Variants in EXOC4 observed in about 807,000 individuals in gnomAD.
EXOC4 encodes the protein exocyst complex component 4, also known as SEC8-like 1.
A neutral mutation model predicts 107.2 loss-of-function variants in EXOC4; 71 were observed. The observed-to-expected ratio is 0.66, with a 90% CI of 0.55 to 0.81. The LOEUF is 0.81. Ranked by LOEUF, EXOC4 falls within the 30% of genes least tolerant of loss-of-function variation. EXOC4 has a pLI of 0.00. For synonymous variants in EXOC4, 456 were observed against 441.2 expected, an observed-to-expected ratio of 1.03 and a Z score of -0.42; for missense variants, 1,108 against 1,189.6, an observed-to-expected ratio of 0.93 and a Z score of 1.01.
At chr7:133,765,186 G>A (rs1477831165) in intron 10 of EXOC4, among the ~76,000 whole-genome samples, 2 of 151,864 alleles carry the variant, frequency 1.3e-5, no homozygotes, top group Non-Finnish European at 2.9e-5. Flanking sequence ...TATTCCTTAG[G>A]GAGGGTTTAC....
chr7:133,739,868 A>G (rs1402731709), intron 10 of EXOC4, among the ~76,000 whole-genome samples: 3 of 152,208 alleles, frequency 2.0e-5, no homozygotes, highest in Admixed American at 2.0e-4. Flanking sequence ...CAACCTTCTC[A>G]TAATACCTGG....
intron 9 of EXOC4, among the ~76,000 whole-genome samples, chr7:133,545,206 G>C (rs1352171807): frequency 1.3e-5 from 2 of 151,952 alleles, no homozygotes; most frequent in Non-Finnish European, 2.9e-5. Flanking sequence ...ATTAAGAAAT[G>C]AAATGTCTCT....
the EXOC4 span, among the ~76,000 whole-genome samples, chr7:134,084,437 A>T: frequency 6.6e-6 from 1 of 152,224 alleles, no homozygotes; most frequent in Non-Finnish European, 1.5e-5. Flanking sequence ...GGCACCATCA[A>T]GGCAAGGAGA....
At chr7:133,814,157 C>T (rs1009217448) in intron 10 of EXOC4, among the ~76,000 whole-genome samples, 1 of 152,158 alleles carries the variant, frequency 6.6e-6, no homozygotes, top group Non-Finnish European at 1.5e-5. Flanking sequence ...CCACCCCTGC[C>T]TCCTATGGGT....
intron 14 of EXOC4, among the ~76,000 whole-genome samples, chr7:133,956,048 C>G (rs1321570924): frequency 6.6e-6 from 1 of 152,226 alleles, no homozygotes; most frequent in Non-Finnish European, 1.5e-5. Context: ...CCTGCCTGCT[C>G]CTGGCCCCCA....
chr7:133,908,904 A>G (rs957454772), intron 12 of EXOC4, among the ~76,000 whole-genome samples: 3 of 152,168 alleles, frequency 2.0e-5, no homozygotes, highest in African/African-American at 7.2e-5. Flanking sequence ...TTATTACATC[A>G]GTATACACGG....
intron 7 of EXOC4, among the ~76,000 whole-genome samples, chr7:133,410,205 T>C (rs1797325030): frequency 6.6e-6 from 1 of 152,178 alleles, no homozygotes; most frequent in Non-Finnish European, 1.5e-5. Context: ...CATAATAATG[T>C]CTTGGACATG....
intron 9 of EXOC4, among the ~76,000 whole-genome samples, chr7:133,512,137 G>A (rs1462707684): frequency 6.6e-6 from 1 of 152,164 alleles, no homozygotes; most frequent in Admixed American, 6.5e-5. Context: ...CGTATAGAGT[G>A]CTTTGAAAAT....
At chr7:134,070,390 A>T (rs1796257280), downstream of EXOC4, among the ~76,000 whole-genome samples, 1 of 152,222 alleles carries the variant, frequency 6.6e-6, no homozygotes, top group Non-Finnish European at 1.5e-5. Flanking sequence ...GTGTAGTAAG[A>T]TGCACACCAC....
At chr7:133,431,282 T>G (rs371185091) in intron 7 of EXOC4, among the ~76,000 whole-genome samples, 1 of 152,236 alleles carries the variant, frequency 6.6e-6, no homozygotes, top group Non-Finnish European at 1.5e-5. Flanking sequence ...AGTGTTTTTG[T>G]TCTTGTGAAG....
chr7:133,301,622 A>G (rs1445281664), intron 3 of EXOC4, among the ~76,000 whole-genome samples: 2 of 152,230 alleles, frequency 1.3e-5, no homozygotes, highest in Non-Finnish European at 2.9e-5. Context: ...TGTTGCCAAA[A>G]TAAGCATTTT....
At chr7:133,631,668 A>C (rs897721437) in intron 10 of EXOC4, among the ~76,000 whole-genome samples, 5 of 152,038 alleles carry the variant, frequency 3.3e-5, no homozygotes, top group African/African-American at 1.2e-4. Context: ...TAAGAGAATT[A>C]AAACTATTTC....
At chr7:133,533,814 T>A (rs966180451) in intron 9 of EXOC4, among the ~76,000 whole-genome samples, 2 of 152,112 alleles carry the variant, frequency 1.3e-5, no homozygotes, top group African/African-American at 4.8e-5. Flanking sequence ...AAGAGAAATG[T>A]GTTACCTGCT....
chr7:133,305,752 T>C (rs927095509), intron 3 of EXOC4, 125 bp from the exon 4 acceptor site: 2 of 756,596 alleles, frequency 2.6e-6, no homozygotes, highest in Non-Finnish European at 4.1e-6. Context: ...ACGAAGTCTT[T>C]TATATGCTGA....
At chr7:133,629,960 T>C in intron 9 of EXOC4, 85 bp from the exon 10 acceptor site, 1 of 912,446 alleles carries the variant, frequency 1.1e-6, no homozygotes, top group Non-Finnish European at 1.8e-6. Context: ...ATTATGACAG[T>C]ATAGGACTCA....
At chr7:133,568,232 G>A (rs1393029151) in intron 9 of EXOC4, among the ~76,000 whole-genome samples, 15 of 150,676 alleles carry the variant, frequency 1.0e-4, no homozygotes, top group Admixed American at 9.9e-4. Flanking sequence ...CCCCCTTACT[G>A]ATTTCTAGGA....
At chr7:134,006,310 A>AACAG (rs1330458517) in intron 16 of EXOC4, among the ~76,000 whole-genome samples, 3 of 152,230 alleles carry the variant, frequency 2.0e-5, no homozygotes, top group African/African-American at 7.2e-5. Context: ...CAAACAAACA[A>AACAG]ACAAACAAAA....
intron 10 of EXOC4, among the ~76,000 whole-genome samples, chr7:133,780,399 TG>T: frequency 6.6e-6 from 1 of 152,118 alleles, no homozygotes; most frequent in East Asian, 1.9e-4. Flanking sequence ...AGAAAATTAA[TG>T]ATATTAGCAG....
intron 9 of EXOC4, among the ~76,000 whole-genome samples, chr7:133,517,647 T>G (rs1479401164): frequency 6.6e-6 from 1 of 152,106 alleles, no homozygotes; most frequent in East Asian, 1.9e-4. Context: ...CTTGCGAGAC[T>G]TATTCACTAT....
Sources: allele counts gnomAD v4.1 joint callset (sites outside exome capture counted in the v4.1 genomes callset), GRCh38; gene constraint gnomAD v4.1.1; transcripts MANE v1.5; gene names NCBI Gene and HGNC (gene_info 2026-07-23, HGNC 2026-07-21).